Variants in CLTB observed in about 807,000 individuals in gnomAD.
CLTB encodes clathrin, light chain (Lcb).
CLTB carries 10 observed loss-of-function variants against 30.5 expected under a neutral mutation model. The ratio of observed to expected loss-of-function variants is 0.33; its 90% confidence interval spans 0.20 to 0.56. The LOEUF (loss-of-function observed/expected upper bound fraction) is 0.56. CLTB is among the 20% of genes least tolerant of loss of function. The pLI is 0.91. For missense variants in CLTB, 261 were observed against 308.3 expected (o/e 0.85, Z 1.15); for synonymous variants, 102 against 120.3 (o/e 0.85, Z 1.00).
At chr5:176,394,352 G>A (rs541634507) in intron 5 of CLTB, among the ~76,000 whole-genome samples, 1 of 152,186 alleles carries the variant, frequency 6.6e-6, no homozygotes, top group Non-Finnish European at 1.5e-5. Flanking sequence ...GGGTTTTCAC[G>A]AGACCCCCTG....
rs1400805860 is a variant in CLTB, at chr5:176,396,550, G to C, written c.465-18C>G. ...CAGCGATCCTTGAGGGAAAGGTTGA[G>C]GGAAGGGGTTAGGTGGGGGAAGGCA... is the stretch of plus-strand genomic sequence containing the variant. On this transcript the variant is annotated intron_variant, in intron 4 of 5. Transcript: ENST00000310418. 4 of 1,609,154 alleles carry C rather than the reference G, an allele frequency of 2.5e-6. No homozygotes were observed. In the Admixed American group the frequency reaches 5.0e-5, roughly 20 times the overall value.
chr5:176,392,644 G>T lies in CLTB; in HGVS notation c.*130C>A. On this transcript the variant is annotated 3_prime_UTR_variant, in exon 6 of 6. Transcript: ENST00000310418. This position sits in a 1 kb window ranked among gnomAD's most constrained non-coding sequence, Gnocchi z 5.2. The stretch of plus-strand genomic sequence containing the variant: ...ATGGGGTGAGGGCCCCCCTCCCAGC[G>T]CCTGGAGATGGGGAGGAGTGGAATA... 9.3e-7 allele frequency: 1 copy of T among 1,078,916 alleles called. No individual in the cohort carries two copies. Among genetic ancestry groups the T allele is most frequent in the African/African-American group, 1.6e-5 (1 of 64,202 alleles). 66.8% of individuals were successfully genotyped at this position (1,078,916 alleles called of 1,614,324 possible). A position where few individuals can be genotyped will look rare whatever the true frequency, so the allele number is the denominator to read the frequency against.
intron 1 of CLTB, among the ~76,000 whole-genome samples, chr5:176,412,065 A>C (rs1213972519): frequency 6.6e-6 from 1 of 150,812 alleles, no homozygotes; most frequent in Admixed American, 6.6e-5. Flanking sequence ...AGTCCCAGCC[A>C]CTCGGGAGGC....
intron 1 of CLTB, among the ~76,000 whole-genome samples, chr5:176,415,899 G>A (rs981944710): frequency 2.6e-5 from 4 of 152,232 alleles, no homozygotes; most frequent in Non-Finnish European, 4.4e-5. Context: ...CTGAGGTGGG[G>A]TTGGATTCCA....
intron 2 of CLTB, among the ~76,000 whole-genome samples, chr5:176,402,441 A>G (rs576386843): frequency 1.3e-5 from 2 of 152,336 alleles, no homozygotes; most frequent in Admixed American, 1.3e-4. Flanking sequence ...CCTTCATGCA[A>G]GCTCATCTTG....
intron 4 of CLTB, among the ~76,000 whole-genome samples, chr5:176,397,048 C>T (rs764713536): frequency 5.3e-5 from 8 of 152,144 alleles, no homozygotes; most frequent in African/African-American, 1.9e-4. Flanking sequence ...CCATGGCCTT[C>T]GTGCAGAGGG....
Position 176,406,641 on chromosome 5 carries a change from T to C in CLTB, c.234+3616A>G. 9 of 1,289,374 alleles carry C rather than the reference T, an allele frequency of 7.0e-6. No individual in the cohort carries two copies. The South Asian group carries it at 1.1e-4, about 16-fold the overall frequency. The allele number at this position is 1,289,374 out of a possible 1,614,324, so 79.9% of individuals were successfully genotyped here. On this transcript the variant is annotated intron_variant, in intron 2 of 5. Transcript: ENST00000310418. Reference sequence around the variant, plus strand: ...GTGCCAAATGGAACTGGAATAGTTGTGGGCAGGCTCGTCCTTAGGCTGTAT... The same window carrying C: ...GTGCCAAATGGAACTGGAATAGTTGCGGGCAGGCTCGTCCTTAGGCTGTAT...
intron 2 of CLTB, among the ~76,000 whole-genome samples, chr5:176,403,739 A>T (rs13168842): frequency 0.15 from 22,189 of 151,074 alleles, 2,496 homozygotes; most frequent in African/African-American, 0.31. Flanking sequence ...GGCGTGAGCC[A>T]CGGTGCCCGG....
intron 1 of CLTB, 129 bp from the exon 2 acceptor site, chr5:176,410,432 A>G: frequency 1.5e-6 from 1 of 674,200 alleles, no homozygotes. Flanking sequence ...ATGCAAACAG[A>G]CATAATGGAT....
intron 4 of CLTB, among the ~76,000 whole-genome samples, chr5:176,397,171 TG>T (rs1319684564): frequency 6.6e-6 from 1 of 152,152 alleles, no homozygotes; most frequent in Admixed American, 6.5e-5. Context: ...CCCCAGAGCC[TG>T]GCATGCAGCA....
intron 1 of CLTB, among the ~76,000 whole-genome samples, chr5:176,410,760 G>T (rs555914771): frequency 7.0e-4 from 82 of 117,916 alleles, no homozygotes; most frequent in Non-Finnish European, 1.5e-3. Context: ...GGGCCTACGC[G>T]TCTCTGCCTG....
Position 176,392,550 on chromosome 5 carries a change from G to C in CLTB, c.*224C>G. The C allele has an allele frequency of 3.6e-6, 2 of 549,476 alleles. No individual in the cohort carries two copies. The highest frequency in any genetic ancestry group is 6.5e-6 in the Non-Finnish European group (2 of 307,798). The allele number at this position is 549,476 out of a possible 1,614,324, so 34.0% of individuals were successfully genotyped here. ...GAAAAAAAATACATCAGGAGGGACA[G>C]TCACAATTGAGTAGACTGAGAGGAG... On this transcript the variant is annotated 3_prime_UTR_variant, in exon 6 of 6. Transcript: ENST00000310418. The surrounding 1 kb of genome is among the most constrained non-coding windows in gnomAD (Gnocchi z 5.2).
chr5:176,395,804 T>C (rs925516528), intron 5 of CLTB, among the ~76,000 whole-genome samples: 2 of 152,130 alleles, frequency 1.3e-5, no homozygotes, highest in Admixed American at 1.3e-4. Context: ...TTTACATGCC[T>C]CCAGCATCCC....
chr5:176,395,932 C>T (rs1756500286), intron 5 of CLTB, among the ~76,000 whole-genome samples: 1 of 152,062 alleles, frequency 6.6e-6, no homozygotes, highest in African/African-American at 2.4e-5. Context: ...GTCAGGAGTT[C>T]GAGACCAGCC....
rs964742859 is a variant in CLTB, at chr5:176,411,380, G to A, written c.188-1077C>T. On this transcript the variant is annotated intron_variant, in intron 1 of 5. Coordinates refer to ENST00000310418, the MANE Select transcript of CLTB (RefSeq NM_007097.5). ...AATCCACTTCCCATGGACCACAGTG[G>A]CCTATAGCGCCTACTCCTGCCTTGG... Among the ~76,000 whole-genome samples, 3 of 152,200 alleles carry A rather than the reference G, an allele frequency of 2.0e-5. 1 individual carries two copies. In the South Asian group the frequency reaches 6.2e-4, roughly 32 times the overall value.
chr5:176,413,619 C>T (rs559477231), intron 1 of CLTB, among the ~76,000 whole-genome samples: 3 of 152,360 alleles, frequency 2.0e-5, no homozygotes, highest in Non-Finnish European at 4.4e-5. Context: ...GAGGTACTGA[C>T]TGGCGGCCGC....
intron 1 of CLTB, among the ~76,000 whole-genome samples, chr5:176,414,631 T>C (rs755868153): frequency 2.6e-5 from 4 of 152,026 alleles, no homozygotes; most frequent in Non-Finnish European, 5.9e-5. Context: ...TTTGTAGAGA[T>C]GGGGTTTCAC....
In CLTB at chr5:176,416,231, C is replaced by T. The variant is rs1318626107; in HGVS notation, c.133G>A (p.Gly45Arg). The T allele has an allele frequency of 6.3e-7, 1 of 1,599,480 alleles. No homozygotes were observed. Among genetic ancestry groups the T allele is most frequent in the East Asian group, 2.3e-5 (1 of 42,864 alleles). ...GCCGCATGGCTGCCGGCAGGTGCCC[C>T]GAAGCCCTCGTCGTTCTCTATGCCT... Reference protein sequence around the residue: ...IAGIENDEGFGAPAGSHAAPA... With the variant: ...IAGIENDEGFRAPAGSHAAPA... The change falls in exon 1 of 6, where the codon GGG (glycine) becomes AGG (arginine). Residue 45 changes from glycine to arginine, a missense_variant. Physicochemically the swap from Gly to Arg is moderately radical, Grantham distance 125 (BLOSUM62 -2). Coordinates refer to ENST00000310418, the MANE Select transcript of CLTB (RefSeq NM_007097.5).
intron 2 of CLTB, chr5:176,402,014 CA>C (rs1756844368): frequency 1.3e-5 from 4 of 314,284 alleles, no homozygotes; most frequent in African/African-American, 8.7e-5. Context: ...TTAAAATATC[CA>C]AAGGCAGCCG....
Sources: allele counts gnomAD v4.1 joint callset (sites outside exome capture counted in the v4.1 genomes callset), GRCh38; gene constraint gnomAD v4.1.1; non-coding constraint Gnocchi (gnomAD v3.1); transcripts MANE v1.5; gene names NCBI Gene and HGNC (gene_info 2026-07-23, HGNC 2026-07-21).